The following TCOF1 variants were observed in gnomAD, a reference collection of about 807,000 sequenced individuals.
TCOF1 encodes the protein treacle protein.
TCOF1 carries 33 observed loss-of-function variants against 149.0 expected under a neutral mutation model. The ratio of observed to expected loss-of-function variants is 0.22; its 90% CI spans 0.17 to 0.30. The LOEUF (loss-of-function observed/expected upper bound fraction) is 0.30, where lower values mean the gene tolerates loss of function less well. Among genes scored for constraint, TCOF1 ranks in the 10% least tolerant of loss-of-function variants. The pLI is 1.00. For synonymous variants in TCOF1, 789 were observed against 738.8 expected, an observed-to-expected ratio of 1.07 and a Z score of -1.10; for missense variants, 1,728 against 1,840.7, an observed-to-expected ratio of 0.94 and a Z score of 1.12.
chr5:150,396,929 A>G, intron 24 of TCOF1, 87 bp downstream of exon 24: 1 of 1,448,580 alleles, frequency 6.9e-7, no homozygotes, highest in South Asian at 1.2e-5. Flanking sequence ...ACCTGGTCTC[A>G]TTCCTCCCAT....
intron 2 of TCOF1, among the ~76,000 whole-genome samples, chr5:150,363,034 T>G (rs1760519858): frequency 6.6e-6 from 1 of 152,138 alleles, no homozygotes; most frequent in African/African-American, 2.4e-5. Context: ...ATGATGGCAA[T>G]TATCTCATTG....
Position 150,379,278 on chromosome 5 carries a change from G to A in TCOF1, c.2528G>A (p.Gly843Asp), listed in dbSNP as rs1466676999. The A allele has an allele frequency of 6.2e-7, 1 of 1,614,238 alleles. No individual in the cohort carries two copies. The highest frequency in any genetic ancestry group is 8.5e-7 in the Non-Finnish European group (1 of 1,180,038). The change falls in exon 16 of 27, where the codon GGC (glycine) becomes GAC (aspartate). Residue 843 changes from glycine (G) to aspartate (D), a missense_variant. Gly to Asp is a moderately conservative substitution (Grantham distance 94). Around this residue, in one of 2 missense-constraint regions of TCOF1, gnomAD observed 1,696 missense variants for 1,765.4 expected, o/e 0.96. Transcript: ENST00000643257. ...CAGAACAGTACCGTCTTGGCGAGGG[G>A]CCCAGCATCTGTGCCATCTGTGGGG... is the stretch of plus-strand genomic sequence containing the variant. ...NPQNSTVLARGPASVPSVGKA... is the reference protein window; with the variant it reads ...NPQNSTVLARDPASVPSVGKA...
intron 23 of TCOF1, 95 bp downstream of exon 23, chr5:150,393,647 T>C: frequency 6.6e-7 from 1 of 1,505,512 alleles, no homozygotes; most frequent in Non-Finnish European, 9.1e-7. Flanking sequence ...CCTCCCAACA[T>C]GGTCCTGTCT....
intron 22 of TCOF1, chr5:150,393,106 A>C: frequency 1.7e-6 from 1 of 590,234 alleles, no homozygotes; most frequent in Non-Finnish European, 3.0e-6. Context: ...TATGTGGCAA[A>C]AGCTAGTAAT....
At position 150,368,850 on chromosome 5, in the gene TCOF1, A is replaced by G. The variant is rs1761930089; in HGVS notation, c.513A>G (p.Ser171=). ...CCTCAGCAAATACTACGTTGGTCTC[A>G]GAAACTGAGGAGGAGGGCAGCGTCC... The part of the protein sequence containing the change: ...AEPSANTTLV[S]ETEEEGSVPA... The change falls in exon 5 of 27, where the codon TCA becomes TCG. Residue 171 remains serine (S), a synonymous_variant. Coordinates refer to ENST00000643257, the MANE Select transcript of TCOF1 (RefSeq NM_001371623.1). The G allele has an allele frequency of 6.2e-7, 1 of 1,614,032 alleles. No homozygotes were observed. The highest frequency in any genetic ancestry group is 8.5e-7 in the Non-Finnish European group (1 of 1,180,040).
chr5:150,368,181 C>G (rs1000639097), intron 4 of TCOF1: 4 of 484,338 alleles, frequency 8.3e-6, no homozygotes, highest in African/African-American at 2.0e-5. Flanking sequence ...TTTCCTCTTT[C>G]ATGCCTGCGT....
At chr5:150,372,403 CTT>C (rs1380804705) in intron 7 of TCOF1, among the ~76,000 whole-genome samples, 167 bp downstream of exon 7, 1 of 152,232 alleles carries the variant, frequency 6.6e-6, no homozygotes, top group Non-Finnish European at 1.5e-5. Context: ...TTGCACTCCA[CTT>C]TGTCTGTGAC....
In TCOF1 at chr5:150,369,575, C is replaced by G. The variant is rs1347002857; in HGVS notation, c.612C>G (p.Ser204=). The change falls in exon 6 of 27, where the codon TCC becomes TCG. Residue 204 remains serine (S), a synonymous_variant. Coordinates refer to ENST00000643257, the MANE Select transcript of TCOF1 (RefSeq NM_001371623.1). ...GQADSSSEDT[S]SSSDETDVEG... Reference sequence around the variant, plus strand: ...CCGACAGCTCCAGCGAGGACACCTCCAGCTCCAGTGATGAGACAGACGTGG... The same window carrying G: ...CCGACAGCTCCAGCGAGGACACCTCGAGCTCCAGTGATGAGACAGACGTGG... 6.2e-7 allele frequency: 1 copy of G among 1,614,140 alleles called. No individual in the cohort carries two copies. Among genetic ancestry groups the G allele is most frequent in the Non-Finnish European group, 8.5e-7 (1 of 1,180,038 alleles).
chr5:150,382,350 G>C (rs1765404691), intron 17 of TCOF1, among the ~76,000 whole-genome samples: 3 of 147,556 alleles, frequency 2.0e-5, no homozygotes, highest in Admixed American at 2.0e-4. Flanking sequence ...AGGAACAGAT[G>C]GGGGCATGGC....
chr5:150,364,564 C>T (rs1478445730), intron 3 of TCOF1, among the ~76,000 whole-genome samples: 1 of 152,170 alleles, frequency 6.6e-6, no homozygotes, highest in African/African-American at 2.4e-5. Context: ...AGAAGACACA[C>T]GTTCAGAAGT....
chr5:150,398,912 C>A, intron 25 of TCOF1, 110 bp from the exon 26 acceptor site: 1 of 1,505,214 alleles, frequency 6.6e-7, no homozygotes, highest in Non-Finnish European at 9.2e-7. Context: ...GAGGTCGCTG[C>A]AGACCCAGTA....
chr5:150,379,783 G>C (rs1362007276), intron 17 of TCOF1, 51 bp downstream of exon 17: 15 of 1,595,212 alleles, frequency 9.4e-6, no homozygotes, highest in Non-Finnish European at 1.3e-5. Flanking sequence ...TCAGAACGGG[G>C]GTATAGGGCT....
At position 150,374,163 on chromosome 5, in the gene TCOF1, T is replaced by C; in HGVS notation, c.871-11T>C. 6.2e-7 allele frequency: 1 copy of C among 1,609,028 alleles called. No individual in the cohort carries two copies. Among genetic ancestry groups the C allele is most frequent in the Non-Finnish European group, 8.5e-7 (1 of 1,177,952 alleles). The stretch of plus-strand genomic sequence containing the variant: ...AAGCAGGAGAGCAAGCTGCCCTTTC[T>C]TTTTCACCAGGTAAAGGCCTCTGAA... On this transcript the variant is annotated splice_polypyrimidine_tract_variant and intron_variant, in intron 7 of 26. Transcript: ENST00000643257.
intron 9 of TCOF1, 63 bp downstream of exon 9, chr5:150,374,874 T>C: frequency 6.2e-7 from 1 of 1,611,694 alleles, no homozygotes; most frequent in Admixed American, 1.7e-5. Context: ...TGCATGGGTG[T>C]GGCCACCTTT....
intron 17 of TCOF1, among the ~76,000 whole-genome samples, chr5:150,387,352 G>C (rs1766494145): frequency 6.6e-6 from 1 of 152,140 alleles, no homozygotes; most frequent in Non-Finnish European, 1.5e-5. Context: ...AAACTGAATT[G>C]GTATAGCTGG....
chr5:150,384,316 G>C, intron 17 of TCOF1: 1 of 986,790 alleles, frequency 1.0e-6, no homozygotes. Flanking sequence ...TATGAGGGTG[G>C]CTCCCTTTGT....
chr5:150,397,980 T>C (rs1259578607), intron 24 of TCOF1, among the ~76,000 whole-genome samples: 1 of 152,144 alleles, frequency 6.6e-6, no homozygotes, highest in Non-Finnish European at 1.5e-5. Context: ...TGGAGTTCAG[T>C]GTCAGGAACG....
rs776914307 is a variant in TCOF1, at chr5:150,396,818, AAGG to A, written c.4324_4326del (p.Glu1442del). On this transcript the variant is annotated inframe_deletion, in exon 24 of 27. Coordinates refer to ENST00000643257, the MANE Select transcript of TCOF1 (RefSeq NM_001371623.1). Reference sequence around the variant, plus strand: ...AGATCAAAGCAACCCAAAGAGCAAGAAGGAGAAGAAGAAATCCGACAAGAGTGA... The same window carrying A: ...AGATCAAAGCAACCCAAAGAGCAAGAAGAAGAAGAAATCCGACAAGAGTGA... The A allele has an allele frequency of 5.6e-6, 9 of 1,605,780 alleles. No homozygotes were observed. The highest frequency in any genetic ancestry group is 1.7e-4 in the Middle Eastern group (1 of 5,988).
At chr5:150,375,691 CCT>C in intron 11 of TCOF1, 28 bp from the exon 12 acceptor site, 1 of 1,614,156 alleles carries the variant, frequency 6.2e-7, no homozygotes, top group Non-Finnish European at 8.5e-7. Context: ...CCCTGGGCTC[CCT>C]CTCCCGATCC....
Sources: allele counts gnomAD v4.1 joint callset (sites outside exome capture counted in the v4.1 genomes callset), GRCh38; gene constraint gnomAD v4.1.1; regional missense constraint gnomAD v4.1.1; transcripts MANE v1.5; gene names NCBI Gene and HGNC (gene_info 2026-07-23, HGNC 2026-07-21).